The following ESRRG variants were observed in gnomAD, a reference collection of about 807,000 sequenced individuals.
ESRRG encodes estrogen related receptor gamma.
ESRRG carries 13 observed loss-of-function variants against 44.0 expected under a neutral mutation model. The ratio of observed to expected loss-of-function variants is 0.30; its 90% CI spans 0.19 to 0.47. The LOEUF (loss-of-function observed/expected upper bound fraction) is 0.47. Ranked by LOEUF, ESRRG falls within the 20% of genes least tolerant of loss-of-function variation. The pLI, the probability that ESRRG is intolerant of heterozygous loss-of-function variation, is 1.00. For missense variants in ESRRG, 395 were observed against 580.6 expected, an observed-to-expected ratio of 0.68 and a Z score of 3.29; for synonymous variants, 215 against 214.6, an observed-to-expected ratio of 1.00 and a Z score of -0.02.
intron 4 of ESRRG, among the ~76,000 whole-genome samples, chr1:216,564,931 T>TC (rs2059417078): frequency 6.6e-6 from 1 of 152,106 alleles, no homozygotes; most frequent in African/African-American, 2.4e-5. Flanking sequence ...TAACTCTATC[T>TC]CCGTGGGATG....
intron 5 of ESRRG, among the ~76,000 whole-genome samples, chr1:216,539,839 A>T (rs116387559): frequency 0.011 from 1,609 of 152,194 alleles, 33 homozygotes; most frequent in African/African-American, 0.037. Flanking sequence ...TGACGCAAAA[A>T]AAAAGCGAAT....
chr1:216,782,864 C>T (rs2093984347), intron 2 of ESRRG, among the ~76,000 whole-genome samples: 1 of 151,870 alleles, frequency 6.6e-6, no homozygotes. Context: ...AAATGTGTGG[C>T]TGAAAATAAA....
At chr1:217,106,544 A>T (rs1006871096) in intron 1 of ESRRG, among the ~76,000 whole-genome samples, 4 of 152,268 alleles carry the variant, frequency 2.6e-5, no homozygotes, top group Middle Eastern at 3.4e-3. Context: ...TAGGAACTGG[A>T]TATTAAGGAA....
intron 1 of ESRRG, among the ~76,000 whole-genome samples, chr1:217,028,062 T>C (rs1004626): frequency 0.28 from 42,845 of 152,112 alleles, 7,315 homozygotes; most frequent in Non-Finnish European, 0.4. Flanking sequence ...CGCACAGATT[T>C]GGCCTTGCAT....
At chr1:216,926,223 G>A (rs2062550454) in intron 2 of ESRRG, among the ~76,000 whole-genome samples, 1 of 152,094 alleles carries the variant, frequency 6.6e-6, no homozygotes, top group African/African-American at 2.4e-5. Context: ...CACACACCTG[G>A]GAAACACCAG....
intron 5 of ESRRG, among the ~76,000 whole-genome samples, chr1:216,529,546 C>G (rs1213175769): frequency 1.3e-5 from 2 of 152,052 alleles, no homozygotes; most frequent in African/African-American, 2.4e-5. Context: ...ATAGGCATGC[C>G]TCTAAAACTC....
At chr1:216,731,048 C>T (rs17680188) in intron 2 of ESRRG, among the ~76,000 whole-genome samples, 9,486 of 152,230 alleles carry the variant, frequency 0.062, 366 homozygotes, top group African/African-American at 0.091. Flanking sequence ...GTACCTAAAA[C>T]TGTGACCCTT....
chr1:216,842,422 A>G (rs2095667212), intron 2 of ESRRG, among the ~76,000 whole-genome samples: 1 of 152,190 alleles, frequency 6.6e-6, no homozygotes, highest in South Asian at 2.1e-4. Flanking sequence ...ACACTGAAGT[A>G]TGAACTGAAA....
chr1:216,918,590 T>C (rs970208648), intron 2 of ESRRG, among the ~76,000 whole-genome samples: 1 of 152,106 alleles, frequency 6.6e-6, no homozygotes, highest in African/African-American at 2.4e-5. Context: ...TCCTGTTCTC[T>C]ACTATTATTT....
rs763802949 is a variant in ESRRG at position 216,506,377 on chromosome 1, T to C, written c.*562A>G. 22 of 298,588 alleles carry C rather than the reference T, an allele frequency of 7.4e-5. No individual in the cohort carries two copies. The highest frequency in any genetic ancestry group is 1.4e-4 in the Non-Finnish European group (21 of 152,442). The allele number at this position is 298,588 out of a possible 1,614,324, so 18.5% of individuals were successfully genotyped here. ...TTGGCAGGGCTGGCTTCCATCTCTC[T>C]TCAGTTAGAGACCTCTTTTAAAAGT... On this transcript the variant is annotated 3_prime_UTR_variant, in exon 7 of 7. Transcript: ENST00000408911.
chr1:217,004,452 G>T (rs1280594516), intron 1 of ESRRG, among the ~76,000 whole-genome samples: 1 of 152,152 alleles, frequency 6.6e-6, no homozygotes, highest in Non-Finnish European at 1.5e-5. Context: ...TGTAAGACAT[G>T]CCCTTGCTTC....
chr1:216,509,974 A>G (rs568725426), intron 6 of ESRRG, among the ~76,000 whole-genome samples: 26 of 152,278 alleles, frequency 1.7e-4, no homozygotes, highest in African/African-American at 6.3e-4. Flanking sequence ...TAATGTATGT[A>G]ATTTATTTTG....
chr1:216,878,123 C>T (rs796892797), intron 2 of ESRRG, among the ~76,000 whole-genome samples: 1 of 152,114 alleles, frequency 6.6e-6, no homozygotes, highest in Non-Finnish European at 1.5e-5. Context: ...TTTATAATAC[C>T]TATTTCTAAT....
At position 216,689,568 on chromosome 1, in the gene ESRRG, T is replaced by G. The variant is rs79635501; in HGVS notation, c.57-12077A>C. 9.6e-3 allele frequency among the ~76,000 whole-genome samples: 1,458 copies of G among 152,166 alleles called. 19 individuals carry two copies. The highest frequency in any genetic ancestry group is 0.033 in the African/African-American group (1,381 of 41,532). Reference sequence around the variant, plus strand: ...AATACATTTTTTTAAAATCCAAAATTTTGGGATTTTTTGGATTTTTAAAAA... The same window carrying G: ...AATACATTTTTTTAAAATCCAAAATGTTGGGATTTTTTGGATTTTTAAAAA... On this transcript the variant is annotated intron_variant, in intron 1 of 6. Transcript: ENST00000408911.
At chr1:216,914,696 ACCTGATGCCAGTGTT>A (rs2060921549) in intron 2 of ESRRG, among the ~76,000 whole-genome samples, 1 of 152,212 alleles carries the variant, frequency 6.6e-6, no homozygotes, top group South Asian at 2.1e-4. Context: ...CCAGTAGCGT[ACCTGATGCCAGTGTT>A]CCTGATGCTC....
intron 3 of ESRRG, among the ~76,000 whole-genome samples, chr1:216,570,870 G>A (rs1048672236): frequency 6.6e-6 from 1 of 152,154 alleles, no homozygotes; most frequent in Non-Finnish European, 1.5e-5. Flanking sequence ...GCTTGTCAAG[G>A]AATGTATTCA....
At chr1:216,939,352 A>AAAAAAC (rs1308881807) in intron 2 of ESRRG, among the ~76,000 whole-genome samples, 2 of 114,742 alleles carry the variant, frequency 1.7e-5, no homozygotes, top group African/African-American at 1.1e-4. Context: ...ACAAAAAAAA[A>AAAAAAC]AAAAAAAAAA....
chr1:216,544,428 A>T (rs1488065730), intron 5 of ESRRG, among the ~76,000 whole-genome samples: 1 of 152,080 alleles, frequency 6.6e-6, no homozygotes, highest in Non-Finnish European at 1.5e-5. Flanking sequence ...ACCAATCAGG[A>T]GATCCAGGGT....
chr1:216,913,111 C>CAAAAAAAAA (rs36067159), intron 2 of ESRRG, among the ~76,000 whole-genome samples: 1 of 62,812 alleles, frequency 1.6e-5, no homozygotes, highest in African/African-American at 5.4e-5. Flanking sequence ...GACTCTGTCT[C>CAAAAAAAAA]AAAAAAAAAA....
Sources: allele counts gnomAD v4.1 joint callset (sites outside exome capture counted in the v4.1 genomes callset), GRCh38; gene constraint gnomAD v4.1.1; transcripts MANE v1.5; gene names NCBI Gene and HGNC (gene_info 2026-07-23, HGNC 2026-07-21).